The following TOP2B variants were observed in gnomAD, a reference collection of about 807,000 sequenced individuals.
The protein encoded by TOP2B is DNA topoisomerase II beta.
TOP2B carries 51 observed loss-of-function variants against 193.5 expected under a neutral mutation model. The ratio of observed to expected loss-of-function variants is 0.26; its 90% confidence interval spans 0.21 to 0.33. The LOEUF is 0.33. Among genes scored for constraint, TOP2B ranks in the 10% least tolerant of loss-of-function variants. The probability of loss-of-function intolerance (pLI) is 1.00; values close to 1 mark genes in which losing one functional copy is unlikely to be tolerated. For synonymous variants in TOP2B, 634 were observed against 635.7 expected (o/e 1.00, Z 0.04); for missense variants, 1,378 against 1,909.3 (o/e 0.72, Z 5.19).
Position 25,655,170 on chromosome 3 carries a change from T to C in TOP2B, c.69+9059A>G, listed in dbSNP as rs565970339. Among the ~76,000 whole-genome samples, 3 of 152,244 alleles carry C rather than the reference T, an allele frequency of 2.0e-5. No individual in the cohort carries two copies. The East Asian group carries it at 5.8e-4, about 29-fold the overall frequency. On this transcript the variant is annotated intron_variant, in intron 1 of 35. Coordinates refer to ENST00000264331, the MANE Select transcript of TOP2B (RefSeq NM_001330700.2). ...ACCATCAAATGGTTAATATCCAAAA[T>C]AGATAAGGAGCTTCTATAACTCGAC...
chr3:25,601,305 T>A, intron 33 of TOP2B, 80 bp from the exon 34 acceptor site: 4 of 1,467,806 alleles, frequency 2.7e-6, no homozygotes, highest in Non-Finnish European at 3.6e-6. Context: ...TAAATGGAAT[T>A]TCTTATAGCT....
intron 18 of TOP2B, among the ~76,000 whole-genome samples, chr3:25,625,347 C>T (rs529973563): frequency 2.0e-5 from 3 of 152,258 alleles, no homozygotes; most frequent in African/African-American, 7.2e-5. Context: ...ATGTCCTCAT[C>T]CAAGTAATAG....
chr3:25,648,611 C>T (rs1223320119), intron 1 of TOP2B, among the ~76,000 whole-genome samples: 4 of 152,166 alleles, frequency 2.6e-5, no homozygotes, highest in African/African-American at 9.7e-5. Context: ...AATCCCAGCA[C>T]TTTGGGAGGC....
chr3:25,620,838 G>A (rs755511317), intron 21 of TOP2B, 22 bp from the exon 22 acceptor site: 3 of 1,610,192 alleles, frequency 1.9e-6, no homozygotes, highest in Non-Finnish European at 2.5e-6. Flanking sequence ...AAGGTAAATA[G>A]CATTGACTTC....
intron 1 of TOP2B, among the ~76,000 whole-genome samples, chr3:25,659,750 A>G (rs1703854737): frequency 6.6e-6 from 1 of 152,244 alleles, no homozygotes; most frequent in South Asian, 2.1e-4. Context: ...AGAAAAAGAC[A>G]GGTATATCCC....
intron 13 of TOP2B, 101 bp from the exon 14 acceptor site, chr3:25,629,246 TG>T: frequency 6.3e-6 from 5 of 799,384 alleles, no homozygotes; most frequent in Non-Finnish European, 7.5e-6. Flanking sequence ...ACCAAAATTC[TG>T]AATTTTAGAA....
rs189825483 is a variant in TOP2B, at chr3:25,607,395, T to C, written c.4094-20A>G. 7.8e-4 allele frequency: 1,202 copies of C among 1,548,332 alleles called. 10 individuals carry two copies. The African/African-American group carries it at 0.014, about 18-fold the overall frequency. ...TTTCGGCTAGGAGGAAAAATAAAAA[T>C]GAATGTTAAACTCAAATCCTAGCTT... On this transcript the variant is annotated intron_variant, in intron 30 of 35. Transcript: ENST00000264331.
chr3:25,602,548 G>C (rs547561681), intron 33 of TOP2B, among the ~76,000 whole-genome samples: 1 of 149,024 alleles, frequency 6.7e-6, no homozygotes, highest in African/African-American at 2.5e-5. Context: ...TATTCCAGTC[G>C]CAATTTGAGA....
intron 18 of TOP2B, among the ~76,000 whole-genome samples, chr3:25,625,953 T>C (rs1304867191): frequency 6.6e-6 from 1 of 152,106 alleles, no homozygotes. Flanking sequence ...GAAGGCTTCA[T>C]AGAAGAAAGG....
chr3:25,649,681 A>G (rs1306839783), intron 1 of TOP2B, among the ~76,000 whole-genome samples: 3 of 152,128 alleles, frequency 2.0e-5, no homozygotes, highest in Non-Finnish European at 4.4e-5. Flanking sequence ...TGAAGTAGAA[A>G]TTAATACTTT....
At chr3:25,637,348 A>G in intron 5 of TOP2B, 36 bp from the exon 6 acceptor site, 1 of 1,475,734 alleles carries the variant, frequency 6.8e-7, no homozygotes. Flanking sequence ...GTTTAGTAAA[A>G]ATGATTTTAA....
At chr3:25,609,425 A>AC in intron 29 of TOP2B, 81 bp from the exon 30 acceptor site, 4 of 1,455,924 alleles carry the variant, frequency 2.7e-6, no homozygotes, top group Non-Finnish European at 3.7e-6. Flanking sequence ...TTATAATGAA[A>AC]AGTTCATTAC....
At chr3:25,603,409 AT>A (rs1418614148) in intron 33 of TOP2B, among the ~76,000 whole-genome samples, 1 of 152,000 alleles carries the variant, frequency 6.6e-6, no homozygotes, top group African/African-American at 2.4e-5. Flanking sequence ...CACCAGGCTA[AT>A]TTTTGTATTT....
intron 4 of TOP2B, among the ~76,000 whole-genome samples, chr3:25,639,175 G>A (rs1440342366): frequency 6.6e-6 from 1 of 152,080 alleles, no homozygotes; most frequent in Non-Finnish European, 1.5e-5. Context: ...GTTAAAAAAA[G>A]AAATGTCTAC....
chr3:25,607,379 G>C lies in TOP2B; in HGVS notation c.4094-4C>G. On this transcript the variant is annotated splice_polypyrimidine_tract_variant and splice_region_variant and intron_variant, in intron 30 of 35. Transcript: ENST00000264331. ...AATGTGTATTTAGGTCTTTCGGCTA[G>C]GAGGAAAAATAAAAATGAATGTTAA... 2 of 1,548,828 alleles carry C rather than the reference G, an allele frequency of 1.3e-6. No homozygotes were observed. Among genetic ancestry groups the C allele is most frequent in the Non-Finnish European group, 1.7e-6 (2 of 1,145,928 alleles).
intron 25 of TOP2B, among the ~76,000 whole-genome samples, chr3:25,617,536 A>G (rs1575568078): frequency 6.6e-6 from 1 of 152,332 alleles, no homozygotes; most frequent in East Asian, 1.9e-4. Context: ...GATAAAAAAT[A>G]CAAAAACATT....
At chr3:25,642,023 CA>C (rs1213528717) in intron 4 of TOP2B, among the ~76,000 whole-genome samples, 2 of 152,014 alleles carry the variant, frequency 1.3e-5, no homozygotes, top group East Asian at 3.9e-4. Context: ...ATCACACTAA[CA>C]ATAGCCCTTA....
intron 28 of TOP2B, among the ~76,000 whole-genome samples, chr3:25,611,007 T>G (rs1559493441): frequency 6.6e-6 from 1 of 152,176 alleles, no homozygotes; most frequent in African/African-American, 2.4e-5. Flanking sequence ...TGTCATTAAC[T>G]GGGATAAGGC....
At chr3:25,624,139 A>G (rs1702735776) in intron 20 of TOP2B, among the ~76,000 whole-genome samples, 158 bp downstream of exon 20, 1 of 152,220 alleles carries the variant, frequency 6.6e-6, no homozygotes, top group East Asian at 1.9e-4. Context: ...AGGTCAACAG[A>G]CTTCATTCTA....
Sources: gnomAD v4.1 joint callset for allele counts (sites outside exome capture counted in the v4.1 genomes callset) on GRCh38, gnomAD v4.1.1 for gene constraint, MANE v1.5 for transcripts, NCBI Gene and HGNC (gene_info 2026-07-23, HGNC 2026-07-21) for gene names.